IPO5: variants seen among roughly 807,000 people sequenced by gnomAD.
IPO5 encodes importin 5.
IPO5 carries 18 observed loss-of-function variants against 143.3 expected under a neutral mutation model. The ratio of observed to expected loss-of-function variants is 0.13; its 90% CI spans 0.09 to 0.19. IPO5 has a LOEUF of 0.19. Among genes scored for constraint, IPO5 ranks in the 10% least tolerant of loss-of-function variants. The pLI, the probability that IPO5 is intolerant of heterozygous loss-of-function variation, is 1.00. For missense variants in IPO5, 1,013 were observed against 1,336.9 expected (o/e 0.76, Z 3.78); for synonymous variants, 477 against 465.7 (o/e 1.02, Z -0.31).
chr13:97,963,528 C>T (rs1885059331), intron 2 of IPO5, among the ~76,000 whole-genome samples: 1 of 151,948 alleles, frequency 6.6e-6, no homozygotes. Context: ...CACCCTCACG[C>T]CCGGCTAATT....
chr13:98,014,111 A>G lies in IPO5; in HGVS notation c.2222A>G (p.Tyr741Cys). ...TGTGCAAGAGTCCGTGGTCCTGAGT[A>G]TCTCACACAGATGTGGCATTTTATG... ...LECARVRGPE[Y>C]LTQMWHFMCD... Residue 741 changes from tyrosine (Y) to cysteine (C), a missense_variant, in exon 22 of 29, where the codon TAT (tyrosine) becomes TGT (cysteine). Coordinates refer to ENST00000651721, the MANE Select transcript of IPO5 (RefSeq NM_002271.6). 1.9e-6 allele frequency: 3 copies of G among 1,613,792 alleles called. No homozygotes were observed. The highest frequency in any genetic ancestry group is 2.5e-6 in the Non-Finnish European group (3 of 1,179,684).
intron 2 of IPO5, among the ~76,000 whole-genome samples, chr13:97,964,961 C>T (rs1566445791): frequency 6.6e-6 from 1 of 152,160 alleles, no homozygotes; most frequent in Non-Finnish European, 1.5e-5. Flanking sequence ...CAATGATAGA[C>T]TGGATAAAGA....
chr13:97,980,293 C>G (rs550521676), intron 4 of IPO5, among the ~76,000 whole-genome samples: 1 of 152,084 alleles, frequency 6.6e-6, no homozygotes, highest in Non-Finnish European at 1.5e-5. Context: ...TTTGGATTAC[C>G]ACAGTGGAAC....
intron 19 of IPO5, 42 bp downstream of exon 19, chr13:98,010,055 T>C (rs1566555070): frequency 6.2e-7 from 1 of 1,613,496 alleles, no homozygotes; most frequent in Non-Finnish European, 8.5e-7. Context: ...AATAGTTCTC[T>C]CTTTGTTATT....
At chr13:98,013,893 T>C in intron 21 of IPO5, 149 bp from the exon 22 acceptor site, 1 of 619,230 alleles carries the variant, frequency 1.6e-6, no homozygotes, top group Non-Finnish European at 2.7e-6. Flanking sequence ...GGTATGTCTT[T>C]TCTATTTTTA....
chr13:97,986,845 G>T (rs1887396403), intron 6 of IPO5: 1 of 152,188 alleles, frequency 6.6e-6, no homozygotes, highest in African/African-American at 2.4e-5. Context: ...CCTGGGAGAG[G>T]GCTCCAGCTT....
intron 9 of IPO5, among the ~76,000 whole-genome samples, chr13:97,991,224 T>C (rs1273859228): frequency 1.3e-5 from 2 of 152,222 alleles, no homozygotes; most frequent in East Asian, 3.9e-4. Flanking sequence ...TTTTAGAATA[T>C]TAATATATGG....
intron 3 of IPO5, among the ~76,000 whole-genome samples, chr13:97,974,461 C>T (rs934676716): frequency 6.6e-6 from 1 of 151,804 alleles, no homozygotes; most frequent in Non-Finnish European, 1.5e-5. Context: ...CGCCCACCAC[C>T]ACCACACCTG....
intron 19 of IPO5, 39 bp from the exon 20 acceptor site, chr13:98,010,064 T>C (rs1213894017): frequency 1.2e-6 from 2 of 1,613,502 alleles, no homozygotes; most frequent in Non-Finnish European, 1.7e-6. Context: ...CTCTTTGTTA[T>C]TATTTTTCAT....
chr13:97,961,824 C>T (rs936100319), intron 2 of IPO5, among the ~76,000 whole-genome samples: 8 of 151,770 alleles, frequency 5.3e-5, no homozygotes, highest in Non-Finnish European at 1.0e-4. Flanking sequence ...GGATATAAGT[C>T]CCTTATAAGA....
chr13:97,990,385 G>A (rs9513332), intron 8 of IPO5, 48 bp from the exon 9 acceptor site: 24,573 of 1,396,110 alleles, frequency 0.018, 248 homozygotes, highest in Non-Finnish European at 0.019. Context: ...TTGAATTTGC[G>A]TTTATCAAAA....
At chr13:97,985,297 A>T (rs1887233690) in intron 5 of IPO5, 124 bp from the exon 6 acceptor site, 1 of 711,378 alleles carries the variant, frequency 1.4e-6, no homozygotes, top group Admixed American at 2.8e-5. Flanking sequence ...AGACTAATGT[A>T]ATTAGAAAGA....
intron 16 of IPO5, among the ~76,000 whole-genome samples, chr13:98,004,708 C>T (rs1381460524): frequency 6.6e-6 from 1 of 152,054 alleles, no homozygotes; most frequent in Non-Finnish European, 1.5e-5. Flanking sequence ...CCACACTAAA[C>T]ATGGAGCAGA....
rs1256858303 is a variant in IPO5 at position 98,010,348 on chromosome 13, A to G, written c.2055+124A>G. On this transcript the variant is annotated intron_variant, in intron 20 of 28. Coordinates refer to ENST00000651721, the MANE Select transcript of IPO5 (RefSeq NM_002271.6). ...CAGTAATATGTTCCTTAAAAAGTAA[A>G]GTTTTCTTTCCATTTTAAAGAAATC... The G allele has an allele frequency of 5.8e-6, 5 of 863,892 alleles. No homozygotes were observed. In the East Asian group the frequency reaches 1.1e-4, roughly 19 times the overall value. 53.5% of individuals were successfully genotyped at this position (863,892 alleles called of 1,614,324 possible).
chr13:97,979,673 C>T (rs770327349), intron 4 of IPO5, among the ~76,000 whole-genome samples: 3 of 152,062 alleles, frequency 2.0e-5, no homozygotes, highest in Non-Finnish European at 4.4e-5. Context: ...AGAATTTGTT[C>T]CTCATTGACT....
chr13:98,019,992 C>T (rs1890370563), intron 27 of IPO5, 183 bp downstream of exon 27: 1 of 491,456 alleles, frequency 2.0e-6, no homozygotes, highest in East Asian at 3.2e-5. Flanking sequence ...TAACATTGCC[C>T]TTATAATAAG....
In IPO5 at chr13:98,019,589, C is replaced by A; in HGVS notation, c.2845C>A (p.Pro949Thr). Residue 949 changes from proline (P) to threonine (T), a missense_variant, in exon 27 of 29, where the codon CCC becomes ACC. Pro to Thr is a conservative substitution (Grantham distance 38, BLOSUM62 -1). Transcript: ENST00000651721. Reference protein sequence around the residue: ...NYRPFCTEALPLLVRVIQSAD... With the variant: ...NYRPFCTEALTLLVRVIQSAD... ...TCAAATGCTTATTTTAGAAGCACTT[C>A]CCCTGCTGGTAAGAGTTATTCAGTC... 1.2e-6 allele frequency: 2 copies of A among 1,611,412 alleles called. No individual in the cohort carries two copies. The highest frequency in any genetic ancestry group is 1.7e-6 in the Non-Finnish European group (2 of 1,177,826).
chr13:97,975,286 C>T (rs1176183586), intron 3 of IPO5, among the ~76,000 whole-genome samples: 1 of 151,686 alleles, frequency 6.6e-6, no homozygotes, highest in Non-Finnish European at 1.5e-5. Context: ...GTCAGGAGTT[C>T]GAGACCAACT....
At chr13:98,019,962 T>C (rs1266028457) in intron 27 of IPO5, 153 bp downstream of exon 27, 6 of 564,978 alleles carry the variant, frequency 1.1e-5, no homozygotes, top group Non-Finnish European at 1.6e-5. Context: ...ATAAATCATA[T>C]TAAGAAACCA....
Sources: allele counts gnomAD v4.1 joint callset (sites outside exome capture counted in the v4.1 genomes callset), GRCh38; gene constraint gnomAD v4.1.1; transcripts MANE v1.5; gene names NCBI Gene and HGNC (gene_info 2026-07-23, HGNC 2026-07-21).